Variants in UGT1A10 observed in about 807,000 individuals in gnomAD.
UGT1A10 encodes UDP-glucuronosyltransferase 1A10.
UGT1A10 carries 49 observed loss-of-function variants against 45.8 expected under a neutral mutation model. The observed-to-expected ratio is 1.07, with a 90% CI of 0.85 to 1.36. The LOEUF (loss-of-function observed/expected upper bound fraction) is 1.36. Ranked by LOEUF, UGT1A10 falls within the 40% of genes most tolerant of loss-of-function variation. The pLI is 0.00. For missense variants in UGT1A10, 745 were observed against 668.6 expected (o/e 1.11, Z -1.26); for synonymous variants, 284 against 249.7 (o/e 1.14, Z -1.29).
Position 233,676,058 on chromosome 2 carries a change from A to G in UGT1A10, c.855+38681A>G, listed in dbSNP as rs567470117. Among the ~76,000 whole-genome samples the G allele has an allele frequency of 5.9e-5, 9 of 152,344 alleles. No individual in the cohort carries two copies. In the East Asian group the frequency reaches 1.7e-3, roughly 29 times the overall value. The stretch of plus-strand genomic sequence containing the variant: ...ATCCTTGGCCAATTGACTAGGTGCC[A>G]AAGTTTGACAAGTGTGTCAAGATCA... On this transcript the variant is annotated intron_variant, in intron 1 of 4. Coordinates refer to ENST00000344644, the MANE Select transcript of UGT1A10 (RefSeq NM_019075.4).
chr2:233,668,487 G>C (rs1416248358), intron 1 of UGT1A10, among the ~76,000 whole-genome samples: 2 of 152,136 alleles, frequency 1.3e-5, no homozygotes, highest in Non-Finnish European at 2.9e-5. Context: ...CCAAGTCTTT[G>C]CTTTTGTGAA....
intron 1 of UGT1A10, among the ~76,000 whole-genome samples, chr2:233,645,467 G>A (rs1351537499): frequency 1.3e-5 from 2 of 152,184 alleles, no homozygotes; most frequent in Non-Finnish European, 2.9e-5. Context: ...CTGAGACAAG[G>A]CAAGTCCCTT....
At position 233,681,890 on chromosome 2, in the gene UGT1A10, T is replaced by G. The variant is rs1245402315; in HGVS notation, c.855+44513T>G. Reference sequence around the variant, plus strand: ...TCTGTACTTCTTCCACTTACTATATTATAGGAGCTTAGAATCCCAGCTGCT... The same window carrying G: ...TCTGTACTTCTTCCACTTACTATATGATAGGAGCTTAGAATCCCAGCTGCT... On this transcript the variant is annotated intron_variant, in intron 1 of 4. Transcript: ENST00000344644. The G allele has an allele frequency of 1.9e-6, 3 of 1,584,922 alleles. No individual in the cohort carries two copies. The African/African-American group carries it at 4.1e-5, about 21-fold the overall frequency.
intron 1 of UGT1A10, among the ~76,000 whole-genome samples, chr2:233,675,616 A>G (rs2125508063): frequency 1.3e-5 from 2 of 152,244 alleles, no homozygotes; most frequent in South Asian, 4.1e-4. Context: ...CACTAAAATT[A>G]TTTACTTCAA....
intron 1 of UGT1A10, among the ~76,000 whole-genome samples, chr2:233,734,381 T>A (rs1311461253): frequency 1.3e-5 from 2 of 152,186 alleles, no homozygotes; most frequent in Non-Finnish European, 2.9e-5. Context: ...TTGCCTTTAC[T>A]ATTTTTTATT....
At chr2:233,743,209 T>C (rs879874451) in intron 1 of UGT1A10, 11 of 398,276 alleles carry the variant, frequency 2.8e-5, no homozygotes, top group Admixed American at 1.6e-4. Context: ...CAATGCGGAG[T>C]AACTGCTCTT....
At chr2:233,739,626 A>G (rs1691159649) in intron 1 of UGT1A10, among the ~76,000 whole-genome samples, 1 of 152,210 alleles carries the variant, frequency 6.6e-6, no homozygotes, top group Non-Finnish European at 1.5e-5. Flanking sequence ...CTCCCATTTG[A>G]AATGGGAACA....
chr2:233,738,354 G>C (rs1033187922), intron 1 of UGT1A10, among the ~76,000 whole-genome samples: 1 of 152,188 alleles, frequency 6.6e-6, no homozygotes, highest in Non-Finnish European at 1.5e-5. Flanking sequence ...CATGGAGAGT[G>C]GGGTACTGCT....
At chr2:233,744,513 A>C (rs1259623883) in intron 1 of UGT1A10, among the ~76,000 whole-genome samples, 1 of 151,992 alleles carries the variant, frequency 6.6e-6, no homozygotes, top group Non-Finnish European at 1.5e-5. Context: ...CCCATGACAC[A>C]ATAGCAAATC....
chr2:233,747,307 C>T (rs1472274155), intron 1 of UGT1A10: 68 of 1,602,316 alleles, frequency 4.2e-5, no homozygotes, highest in Admixed American at 3.8e-4. Flanking sequence ...TGGGAAGGTG[C>T]TGGTGGTACC....
At position 233,693,834 on chromosome 2, in the gene UGT1A10, T is replaced by C. The variant is rs758818897; in HGVS notation, c.855+56457T>C. 6 of 1,614,210 alleles carry C rather than the reference T, an allele frequency of 3.7e-6. No homozygotes were observed. The South Asian group carries it at 5.5e-5, about 15-fold the overall frequency. Reference sequence around the variant, plus strand: ...CCCAACATGGTCTTCATTGGAGGTATCAACTGTAAGAAGAGGAAAGACTTG... The same window carrying C: ...CCCAACATGGTCTTCATTGGAGGTACCAACTGTAAGAAGAGGAAAGACTTG... On this transcript the variant is annotated intron_variant, in intron 1 of 4. Coordinates refer to ENST00000344644, the MANE Select transcript of UGT1A10 (RefSeq NM_019075.4).
chr2:233,718,922 GC>G (rs1473563320), intron 1 of UGT1A10: 1 of 1,614,124 alleles, frequency 6.2e-7, no homozygotes, highest in East Asian at 2.2e-5. Context: ...TGTTGGTGGT[GC>G]CCACTGATGG....
intron 1 of UGT1A10, chr2:233,692,790 G>A (rs1279360815): frequency 1.5e-6 from 2 of 1,368,172 alleles, no homozygotes; most frequent in Non-Finnish European, 1.9e-6. Context: ...TCAGGTGAAA[G>A]CTGACACGGC....
At chr2:233,770,357 A>G (rs1700064442) in intron 4 of UGT1A10, 1 of 152,214 alleles carries the variant, frequency 6.6e-6, no homozygotes, top group Admixed American at 6.5e-5. Flanking sequence ...TATTGAATGA[A>G]TGAATGAAAG....
At chr2:233,768,705 T>C (rs536691348) in intron 4 of UGT1A10, among the ~76,000 whole-genome samples, 10 of 148,550 alleles carry the variant, frequency 6.7e-5, no homozygotes, top group Admixed American at 6.1e-4. Flanking sequence ...TGCCTCAGCC[T>C]CCGTGTAGCT....
chr2:233,667,035 A>T (rs2074093773), intron 1 of UGT1A10, among the ~76,000 whole-genome samples: 1 of 152,066 alleles, frequency 6.6e-6, no homozygotes. Context: ...ACATTTTCTT[A>T]ATCCAGTCTA....
intron 1 of UGT1A10, among the ~76,000 whole-genome samples, chr2:233,749,879 T>C (rs965424457): frequency 2.6e-5 from 4 of 151,958 alleles, no homozygotes; most frequent in African/African-American, 9.7e-5. Flanking sequence ...ATTATAAGTT[T>C]CCTGAGGCTC....
intron 1 of UGT1A10, among the ~76,000 whole-genome samples, chr2:233,657,839 A>G (rs1199463773): frequency 1.3e-5 from 2 of 152,126 alleles, no homozygotes; most frequent in Non-Finnish European, 2.9e-5. Flanking sequence ...TTTTTAAGAA[A>G]TTGGGTTTTC....
At chr2:233,716,297 A>G (rs1181187909) in intron 1 of UGT1A10, among the ~76,000 whole-genome samples, 1 of 152,154 alleles carries the variant, frequency 6.6e-6, no homozygotes, top group Non-Finnish European at 1.5e-5. Flanking sequence ...CACATCTATA[A>G]AGTCTCTTCC....
Sources: gnomAD v4.1 joint callset for allele counts (sites outside exome capture counted in the v4.1 genomes callset) on GRCh38, gnomAD v4.1.1 for gene constraint, MANE v1.5 for transcripts, NCBI Gene and HGNC (gene_info 2026-07-23, HGNC 2026-07-21) for gene names.